MTUS2: variants seen among roughly 807,000 people sequenced by gnomAD.
MTUS2 encodes microtubule associated scaffold protein 2, also known as microtubule-associated tumor suppressor candidate 2.
A neutral mutation model predicts 114.1 loss-of-function variants in MTUS2; 40 were observed. The ratio of observed to expected loss-of-function variants is 0.35; its 90% CI spans 0.27 to 0.46. The LOEUF (loss-of-function observed/expected upper bound fraction) is 0.46, where lower values mean the gene tolerates loss of function less well. MTUS2 is among the 20% of genes least tolerant of loss of function. The pLI is 1.00. For missense variants in MTUS2, 1,679 were observed against 1,705.4 expected, an observed-to-expected ratio of 0.98 and a Z score of 0.27; for synonymous variants, 688 against 672.0, an observed-to-expected ratio of 1.02 and a Z score of -0.37.
At chr13:29,420,326 G>A (rs1420104326) in intron 8 of MTUS2, among the ~76,000 whole-genome samples, 2 of 145,040 alleles carry the variant, frequency 1.4e-5, no homozygotes, top group African/African-American at 5.2e-5. Context: ...CACCCAGGCC[G>A]GAGTGCAGTG....
At chr13:29,226,475 A>G (rs1335654) in intron 5 of MTUS2, among the ~76,000 whole-genome samples, 129,945 of 152,194 alleles carry the variant, frequency 0.85, 55,633 homozygotes, top group African/African-American at 0.91. Flanking sequence ...ACCTTCCCTC[A>G]GTCAGAGGCC....
intron 2 of MTUS2, among the ~76,000 whole-genome samples, chr13:28,901,686 T>G (rs538283880): frequency 2.6e-5 from 4 of 152,312 alleles, no homozygotes; most frequent in African/African-American, 9.6e-5. Context: ...TGAATCTATC[T>G]CTGGGTTCTC....
At chr13:29,435,790 A>G (rs1163694709) in intron 8 of MTUS2, among the ~76,000 whole-genome samples, 6 of 152,242 alleles carry the variant, frequency 3.9e-5, no homozygotes, top group Non-Finnish European at 7.3e-5. Context: ...TATCATTTCA[A>G]AAACAAGCAC....
At chr13:29,134,610 G>GT (rs1256427317) in intron 5 of MTUS2, among the ~76,000 whole-genome samples, 33 of 151,176 alleles carry the variant, frequency 2.2e-4, no homozygotes, top group Admixed American at 1.7e-3. Flanking sequence ...TTATTTTTTT[G>GT]TTTTTTGAGA....
intron 5 of MTUS2, among the ~76,000 whole-genome samples, chr13:29,192,386 G>T (rs1430568913): frequency 1.3e-5 from 2 of 152,158 alleles, no homozygotes; most frequent in African/African-American, 4.8e-5. Context: ...GATACCAGAG[G>T]CTGAGAAGAG....
intron 2 of MTUS2, among the ~76,000 whole-genome samples, chr13:28,994,691 AATGT>A (rs1262949140): frequency 6.6e-6 from 1 of 152,150 alleles, no homozygotes; most frequent in Non-Finnish European, 1.5e-5. Flanking sequence ...TGGCTGCAAA[AATGT>A]CTTCTTTTGA....
chr13:28,850,346 G>A (rs905081491), intron 2 of MTUS2, among the ~76,000 whole-genome samples: 3 of 152,194 alleles, frequency 2.0e-5, no homozygotes, highest in South Asian at 2.1e-4. Flanking sequence ...GATACAACAT[G>A]GAAAGTGTGT....
At chr13:29,433,739 T>C (rs1356899146) in intron 8 of MTUS2, among the ~76,000 whole-genome samples, 7 of 152,230 alleles carry the variant, frequency 4.6e-5, no homozygotes, top group Non-Finnish European at 8.8e-5. Flanking sequence ...TGTTTTCCTA[T>C]GAAGATGAAG....
At chr13:29,321,024 TG>T (rs1223625294) in intron 6 of MTUS2, among the ~76,000 whole-genome samples, 1 of 152,204 alleles carries the variant, frequency 6.6e-6, no homozygotes, top group Non-Finnish European at 1.5e-5. Context: ...CAGCTCCATT[TG>T]GGGAACAGTG....
At chr13:29,474,247 T>C (rs1880530168) in intron 9 of MTUS2, among the ~76,000 whole-genome samples, 1 of 152,198 alleles carries the variant, frequency 6.6e-6, no homozygotes, top group Non-Finnish European at 1.5e-5. Context: ...ACAGTGCAGT[T>C]CAGGGACAGC....
At chr13:29,459,029 AAG>A (rs970329449) in intron 9 of MTUS2, among the ~76,000 whole-genome samples, 1 of 151,974 alleles carries the variant, frequency 6.6e-6, no homozygotes, top group African/African-American at 2.4e-5. Flanking sequence ...GGGAAAGAGA[AAG>A]AGAAAGCAAA....
intron 8 of MTUS2, among the ~76,000 whole-genome samples, chr13:29,370,050 G>T (rs1192422349): frequency 6.6e-6 from 1 of 152,148 alleles, no homozygotes; most frequent in Non-Finnish European, 1.5e-5. Context: ...AACAGCCCCA[G>T]TTAAAAGATA....
In MTUS2 at chr13:29,503,319, G is replaced by C. The variant is rs970958709; in HGVS notation, c.*113G>C. On this transcript the variant is annotated 3_prime_UTR_variant, in exon 16 of 16. Coordinates refer to ENST00000612955, the MANE Select transcript of MTUS2 (RefSeq NM_001033602.4). ...CCCTGTGCGCATGCTCAGTAGCTGC[G>C]AATGCATCCTAGGCGCGTCCTCCTC... The C allele has an allele frequency of 5.0e-6, 6 of 1,199,258 alleles. No homozygotes were observed. Among genetic ancestry groups the C allele is most frequent in the Admixed American group, 4.0e-5 (2 of 49,946 alleles). The allele number at this position is 1,199,258 out of a possible 1,614,324, so 74.3% of individuals were successfully genotyped here.
Position 28,952,084 on chromosome 13 carries a change from T to C in MTUS2, c.-242-72373T>C, listed in dbSNP as rs1031301996. Among the ~76,000 whole-genome samples, 4 of 152,342 alleles carry C rather than the reference T, an allele frequency of 2.6e-5. No individual in the cohort carries two copies. In the South Asian group the frequency reaches 8.3e-4, roughly 32 times the overall value. ...TTCATGATGCATATTTTATTTCCTG[T>C]CACAATTATTACTGTTTCTCCTTTT... On this transcript the variant is annotated intron_variant, in intron 2 of 15. Transcript: ENST00000612955.
In MTUS2 at chr13:29,025,320, C is replaced by G; in HGVS notation, c.622C>G (p.Gln208Glu). Residue 208 changes from glutamine to glutamate, a missense_variant, in exon 3 of 16, where the codon CAG becomes GAG. Gln to Glu is a conservative substitution (Grantham distance 29). Around this residue, in one of 3 missense-constraint regions of MTUS2, gnomAD observed 843 missense variants for 770.8 expected, o/e 1.09. Transcript: ENST00000612955. ...LSLDSREARG[Q>E]IPGGGEGPQK... is the part of the protein sequence containing the mutation. ...CCTCGACTCCCGGGAAGCACGGGGT[C>G]AGATACCTGGGGGTGGGGAGGGGCC... is the stretch of plus-strand genomic sequence containing the variant. 6.2e-7 allele frequency: 1 copy of G among 1,613,910 alleles called. No individual in the cohort carries two copies. The highest frequency in any genetic ancestry group is 8.5e-7 in the Non-Finnish European group (1 of 1,179,884).
At chr13:29,404,518 C>T (rs1874608464) in intron 8 of MTUS2, among the ~76,000 whole-genome samples, 1 of 152,026 alleles carries the variant, frequency 6.6e-6, no homozygotes, top group Non-Finnish European at 1.5e-5. Context: ...CAGTATTTGT[C>T]CCCCGTCTCC....
intron 7 of MTUS2, among the ~76,000 whole-genome samples, chr13:29,338,303 G>A (rs1194213543): frequency 6.6e-6 from 1 of 151,792 alleles, no homozygotes; most frequent in African/African-American, 2.4e-5. Context: ...AAAAATATTT[G>A]CAGCCAGAGG....
intron 5 of MTUS2, among the ~76,000 whole-genome samples, chr13:29,274,495 G>C (rs1897988800): frequency 6.6e-6 from 1 of 152,098 alleles, no homozygotes; most frequent in Non-Finnish European, 1.5e-5. Flanking sequence ...AATGTATGAA[G>C]ATTCCAGTTT....
At chr13:28,861,439 CTT>C (rs11462684) in intron 2 of MTUS2, among the ~76,000 whole-genome samples, 15 of 139,422 alleles carry the variant, frequency 1.1e-4, no homozygotes, top group Admixed American at 1.4e-4. Flanking sequence ...CTGTTTTTTT[CTT>C]TTTTTTTTTT....
Sources: gnomAD v4.1 joint callset for allele counts (sites outside exome capture counted in the v4.1 genomes callset) on GRCh38, gnomAD v4.1.1 for gene constraint, gnomAD v4.1.1 regional missense constraint, MANE v1.5 for transcripts, NCBI Gene and HGNC (gene_info 2026-07-23, HGNC 2026-07-21) for gene names.